The following RBMS3 variants were observed in gnomAD, a reference collection of about 807,000 sequenced individuals.
RBMS3 encodes the protein RNA-binding motif, single-stranded-interacting protein 3.
In RBMS3, 27 loss-of-function variants were observed where a neutral mutation model predicts 66.8. That is an observed-to-expected ratio of 0.40 (90% CI 0.30 to 0.56). The LOEUF (loss-of-function observed/expected upper bound fraction) is 0.56, where lower values mean the gene tolerates loss of function less well. Ranked by LOEUF, RBMS3 falls within the 20% of genes least tolerant of loss-of-function variation. The pLI, the probability that RBMS3 is intolerant of heterozygous loss-of-function variation, is 0.40. For synonymous variants in RBMS3, 188 were observed against 183.0 expected (o/e 1.03, Z -0.22); for missense variants, 513 against 549.5 (o/e 0.93, Z 0.66).
intron 6 of RBMS3, among the ~76,000 whole-genome samples, chr3:29,808,749 A>G (rs1294008488): frequency 1.3e-5 from 2 of 151,930 alleles, no homozygotes; most frequent in Admixed American, 6.6e-5. Flanking sequence ...ATACTTGTTC[A>G]ATTGTTTTAA....
At chr3:29,806,226 A>T (rs1323894983) in intron 6 of RBMS3, among the ~76,000 whole-genome samples, 2 of 152,016 alleles carry the variant, frequency 1.3e-5, no homozygotes, top group Non-Finnish European at 2.9e-5. Context: ...AAATAGTTTA[A>T]AAGAACAGAA....
chr3:29,826,715 C>G (rs185676722), intron 6 of RBMS3, among the ~76,000 whole-genome samples: 17 of 152,298 alleles, frequency 1.1e-4, no homozygotes, highest in Non-Finnish European at 1.9e-4. Flanking sequence ...TTTCTTAGAT[C>G]ATAGCCCTGG....
chr3:29,804,768 C>A (rs2057490582), intron 6 of RBMS3, among the ~76,000 whole-genome samples: 1 of 151,950 alleles, frequency 6.6e-6, no homozygotes, highest in Admixed American at 6.6e-5. Context: ...ATAAATGAAA[C>A]CTCAATTTGC....
At chr3:29,537,856 A>G (rs2045630378) in intron 3 of RBMS3, among the ~76,000 whole-genome samples, 2 of 151,666 alleles carry the variant, frequency 1.3e-5, no homozygotes, top group African/African-American at 4.8e-5. Context: ...AAGAAAAAAA[A>G]TTTGCCCCGA....
chr3:29,296,034 C>T (rs2033238456), intron 1 of RBMS3, among the ~76,000 whole-genome samples: 1 of 151,678 alleles, frequency 6.6e-6, no homozygotes, highest in South Asian at 2.1e-4. Context: ...GATGGACTTC[C>T]TGATGGAAGT....
At chr3:29,501,176 AT>A (rs1466980039) in intron 3 of RBMS3, among the ~76,000 whole-genome samples, 1 of 152,168 alleles carries the variant, frequency 6.6e-6, no homozygotes, top group African/African-American at 2.4e-5. Context: ...TTGTTCAAGC[AT>A]TGATATCATG....
intron 3 of RBMS3, among the ~76,000 whole-genome samples, chr3:29,585,438 A>G (rs1325043887): frequency 6.6e-6 from 1 of 152,184 alleles, no homozygotes; most frequent in Non-Finnish European, 1.5e-5. Context: ...TTGAAAGGAC[A>G]CATGCAGACT....
intron 1 of RBMS3, among the ~76,000 whole-genome samples, chr3:29,351,499 C>T (rs1008532815): frequency 3.9e-5 from 6 of 152,062 alleles, no homozygotes; most frequent in Non-Finnish European, 7.4e-5. Context: ...ATATCTACTT[C>T]ATTACAAAGG....
chr3:29,998,150 G>C (rs1255996130), intron 14 of RBMS3, among the ~76,000 whole-genome samples: 1 of 152,124 alleles, frequency 6.6e-6, no homozygotes, highest in Non-Finnish European at 1.5e-5. Context: ...AATCATGAGT[G>C]AACTCCCATT....
intron 10 of RBMS3, chr3:29,933,744 C>T (rs983678742): frequency 1.2e-4 from 19 of 152,070 alleles, no homozygotes; most frequent in African/African-American, 4.3e-4. Context: ...CACTCTGTGC[C>T]TAGTGTTGCT....
Position 29,376,899 on chromosome 3 carries a change from G to A in RBMS3, c.76-57844G>A, listed in dbSNP as rs143468817. ...CAGCCTGGTGACAGAGCGAGACTAC[G>A]TCTCAAACAACAACAAAAACAACAA... On this transcript the variant is annotated intron_variant, in intron 1 of 14. Transcript: ENST00000383767. 5.9e-4 allele frequency among the ~76,000 whole-genome samples: 89 copies of A among 151,840 alleles called. No homozygotes were observed. The East Asian group carries it at 0.011, about 18-fold the overall frequency.
At chr3:29,828,079 T>A (rs576739703) in intron 6 of RBMS3, among the ~76,000 whole-genome samples, 20 of 150,688 alleles carry the variant, frequency 1.3e-4, no homozygotes, top group African/African-American at 1.7e-4. Flanking sequence ...TGTGTGTGTG[T>A]GAGAGAGAGA....
At chr3:29,582,581 G>T (rs1455038763) in intron 3 of RBMS3, among the ~76,000 whole-genome samples, 1 of 152,200 alleles carries the variant, frequency 6.6e-6, no homozygotes, top group Non-Finnish European at 1.5e-5. Context: ...GTTAGCATTT[G>T]CCAGTGTTGT....
chr3:29,603,010 A>G (rs1476301878), intron 4 of RBMS3, among the ~76,000 whole-genome samples: 3 of 151,944 alleles, frequency 2.0e-5, no homozygotes, highest in African/African-American at 2.4e-5. Context: ...CATAGGGTTT[A>G]TGTGACAATT....
chr3:29,987,006 C>T (rs1559864776), intron 12 of RBMS3, among the ~76,000 whole-genome samples: 1 of 152,238 alleles, frequency 6.6e-6, no homozygotes, highest in East Asian at 1.9e-4. Flanking sequence ...CAGATGCTTT[C>T]CTTGATTCAG....
chr3:29,966,451 AT>A (rs975704062), intron 12 of RBMS3, among the ~76,000 whole-genome samples: 4 of 151,738 alleles, frequency 2.6e-5, no homozygotes, highest in Non-Finnish European at 5.9e-5. Context: ...ATTCCTAAGT[AT>A]TTTTTTTCAG....
At chr3:29,407,312 T>G (rs2040065572) in intron 1 of RBMS3, among the ~76,000 whole-genome samples, 1 of 152,146 alleles carries the variant, frequency 6.6e-6, no homozygotes, top group Non-Finnish European at 1.5e-5. Context: ...ACAGAGAAGT[T>G]AAATAACTTC....
chr3:29,582,149 TATAG>T (rs3836342), intron 3 of RBMS3, among the ~76,000 whole-genome samples: 20,000 of 144,644 alleles, frequency 0.14, 1,397 homozygotes, highest in Admixed American at 0.18. Flanking sequence ...AGAATTCCAT[TATAG>T]ATAGATAGAT....
chr3:29,880,151 T>C (rs778078738), intron 7 of RBMS3, among the ~76,000 whole-genome samples: 2 of 152,200 alleles, frequency 1.3e-5, no homozygotes, highest in Non-Finnish European at 2.9e-5. Flanking sequence ...GTAAAAATCC[T>C]GTCTGGAAGA....
Sources: gnomAD v4.1 joint callset for allele counts (sites outside exome capture counted in the v4.1 genomes callset) on GRCh38, gnomAD v4.1.1 for gene constraint, MANE v1.5 for transcripts, NCBI Gene and HGNC (gene_info 2026-07-23, HGNC 2026-07-21) for gene names.